The following CEP128 variants were observed in gnomAD, a reference collection of about 807,000 sequenced individuals.
The protein encoded by CEP128 is centrosomal protein 128, also known as centrosomal protein 128kDa.
In CEP128, 132 loss-of-function variants were observed where a neutral mutation model predicts 156.7. That is an observed-to-expected ratio of 0.84 (90% CI 0.73 to 0.97). The LOEUF is 0.97. CEP128 is among the 50% of genes least tolerant of loss of function. The pLI, the probability that CEP128 is intolerant of heterozygous loss-of-function variation, is 0.00. For missense variants in CEP128, 1,252 were observed against 1,281.9 expected, an observed-to-expected ratio of 0.98 and a Z score of 0.36; for synonymous variants, 469 against 448.9, an observed-to-expected ratio of 1.04 and a Z score of -0.57.
chr14:80,504,089 A>C (rs1887859531), intron 24 of CEP128, among the ~76,000 whole-genome samples: 1 of 152,170 alleles, frequency 6.6e-6, no homozygotes, highest in East Asian at 1.9e-4. Context: ...GAGCAAAATT[A>C]TTACCTAAAT....
chr14:80,525,395 CCTAT>C (rs1451244137), intron 23 of CEP128, among the ~76,000 whole-genome samples: 2 of 152,088 alleles, frequency 1.3e-5, no homozygotes, highest in Non-Finnish European at 2.9e-5. Context: ...AATAATCACG[CCTAT>C]CTGAGAGGAT....
intron 14 of CEP128, among the ~76,000 whole-genome samples, chr14:80,480,068 T>TG (rs1002959956): frequency 2.0e-5 from 3 of 152,174 alleles, no homozygotes; most frequent in Non-Finnish European, 4.4e-5. Context: ...TTTCATGGGC[T>TG]GGTGTTGAGT....
intron 20 of CEP128, among the ~76,000 whole-genome samples, chr14:80,563,413 T>C (rs770287871): frequency 4.6e-5 from 7 of 152,098 alleles, no homozygotes; most frequent in Non-Finnish European, 1.0e-4. Context: ...CTAATAAAAC[T>C]TGACATTCTC....
At chr14:80,789,050 A>G (rs17614081) in intron 14 of CEP128, among the ~76,000 whole-genome samples, 52,145 of 151,982 alleles carry the variant, frequency 0.34, 9,470 homozygotes, top group Non-Finnish European at 0.4. Context: ...TGATATTTCT[A>G]TGGAAGTTTT....
Position 80,693,561 on chromosome 14 carries a change from T to C in CEP128, c.2806+49514A>G, listed in dbSNP as rs144012611. ...ATAACTATTTGCTTGAAAAAATAAG[T>C]CATCAAATATCTTAAAGATATTTTG... is the stretch of plus-strand genomic sequence containing the variant. On this transcript the variant is annotated intron_variant, in intron 19 of 24. Transcript: ENST00000555265. Among the ~76,000 whole-genome samples the C allele has an allele frequency of 6.3e-3, 963 of 152,218 alleles. 10 individuals are homozygous for C. Among genetic ancestry groups the C allele is most frequent in the African/African-American group, 0.022 (911 of 41,536 alleles).
intron 22 of CEP128, among the ~76,000 whole-genome samples, chr14:80,530,022 AC>A (rs1419327764): frequency 2.6e-5 from 4 of 152,228 alleles, no homozygotes; most frequent in Non-Finnish European, 5.9e-5. Flanking sequence ...TCAGATCTAA[AC>A]AGAACCTAAA....
chr14:80,912,230 C>G (rs1051237417), intron 4 of CEP128, among the ~76,000 whole-genome samples: 3 of 149,188 alleles, frequency 2.0e-5, no homozygotes, highest in Admixed American at 1.3e-4. Context: ...AAAAAAAAAA[C>G]TACTCCCTCA....
chr14:80,709,885 T>C (rs113485374), intron 19 of CEP128, among the ~76,000 whole-genome samples: 3 of 152,172 alleles, frequency 2.0e-5, no homozygotes, highest in African/African-American at 7.2e-5. Context: ...ACAATTTTGA[T>C]AGTTTGCTTA....
At chr14:80,493,990 T>C (rs948610506), downstream of CEP128, among the ~76,000 whole-genome samples, 1 of 152,212 alleles carries the variant, frequency 6.6e-6, no homozygotes, top group Non-Finnish European at 1.5e-5. Flanking sequence ...TGCTTTTCCA[T>C]GTAAGCATTT....
chr14:80,816,291 G>C (rs1884852303), intron 13 of CEP128, among the ~76,000 whole-genome samples: 1 of 152,078 alleles, frequency 6.6e-6, no homozygotes, highest in South Asian at 2.1e-4. Flanking sequence ...TCTCAGTATA[G>C]GGCTACAGAT....
intron 24 of CEP128, among the ~76,000 whole-genome samples, chr14:80,504,130 A>G (rs1281293301): frequency 1.3e-5 from 2 of 152,308 alleles, no homozygotes; most frequent in Admixed American, 6.5e-5. Context: ...TTGGATCCCA[A>G]TAGTTTAGAT....
intron 2 of CEP128, among the ~76,000 whole-genome samples, chr14:80,932,832 A>G (rs1264905811): frequency 6.6e-6 from 1 of 152,156 alleles, no homozygotes; most frequent in Non-Finnish European, 1.5e-5. Context: ...TCCTCCATGA[A>G]AAGTGCCTCT....
At chr14:80,792,729 A>T in intron 14 of CEP128, 31 bp downstream of exon 14, 1 of 1,566,208 alleles carries the variant, frequency 6.4e-7, no homozygotes. Context: ...ATCACATTGA[A>T]AACCGTTCCT....
chr14:80,936,722 A>G (rs1327189193), intron 2 of CEP128, among the ~76,000 whole-genome samples: 1 of 152,228 alleles, frequency 6.6e-6, no homozygotes, highest in Non-Finnish European at 1.5e-5. Flanking sequence ...CAGTTGTAAA[A>G]GACTCAAAAG....
At chr14:80,926,913 A>T (rs956725056) in intron 2 of CEP128, among the ~76,000 whole-genome samples, 1 of 152,200 alleles carries the variant, frequency 6.6e-6, no homozygotes, top group African/African-American at 2.4e-5. Flanking sequence ...GAAAGCCAAC[A>T]CACTAAGGCT....
intron 12 of CEP128, among the ~76,000 whole-genome samples, chr14:80,833,981 G>C (rs17111154): frequency 0.021 from 3,157 of 152,234 alleles, 41 homozygotes; most frequent in Middle Eastern, 0.068. Context: ...TTGAGGAGAC[G>C]ATGAATTCAG....
chr14:80,484,720 G>A (rs923591237), intron 14 of CEP128, among the ~76,000 whole-genome samples: 1 of 152,136 alleles, frequency 6.6e-6, no homozygotes, highest in Non-Finnish European at 1.5e-5. Context: ...CAGACCACAG[G>A]GAGATTTTAA....
chr14:80,899,649 AT>A (rs1187842232), intron 7 of CEP128, among the ~76,000 whole-genome samples: 1 of 152,138 alleles, frequency 6.6e-6, no homozygotes, highest in East Asian at 1.9e-4. Context: ...TCTCCAATGT[AT>A]TTGCAAATCT....
chr14:80,846,367 C>A (rs1886602520), intron 9 of CEP128, among the ~76,000 whole-genome samples: 1 of 151,740 alleles, frequency 6.6e-6, no homozygotes, highest in Non-Finnish European at 1.5e-5. Context: ...AGTCAGAGTC[C>A]CTAAAAGAAT....
Sources: gnomAD v4.1 joint callset for allele counts (sites outside exome capture counted in the v4.1 genomes callset) on GRCh38, gnomAD v4.1.1 for gene constraint, MANE v1.5 for transcripts, NCBI Gene and HGNC (gene_info 2026-07-23, HGNC 2026-07-21) for gene names.